Variants in G6PD observed in about 807,000 individuals in gnomAD.
The protein encoded by G6PD is glucose-6-phosphate 1-dehydrogenase.
Under a neutral mutation model 38.2 loss-of-function variants are expected in G6PD, and 2 were observed. That is an observed-to-expected ratio of 0.05 (90% CI 0.02 to 0.16). G6PD has a LOEUF of 0.16. Among genes scored for constraint, G6PD ranks in the 10% least tolerant of loss-of-function variants. The pLI is 1.00. For missense variants in G6PD, 310 were observed against 471.6 expected (o/e 0.66, Z 3.17); for synonymous variants, 188 against 196.0 (o/e 0.96, Z 0.34).
intron 2 of G6PD, among the ~76,000 whole-genome samples, chrX:154,540,555 T>C (rs1557231614): frequency 1.9e-5 from 2 of 107,468 alleles, no homozygotes; most frequent in African/African-American, 3.4e-5. Context: ...GGAGAATCAC[T>C]TGAATCCAGG....
At chrX:154,547,289 C>T (rs1301894587), upstream of G6PD, 37 of 741,767 alleles carry the variant, frequency 5.0e-5, no homozygotes, top group Non-Finnish European at 5.7e-5. Context: ...CGCGCCACTC[C>T]CCCGGGAACC....
At chrX:154,544,334 G>C (rs1270334557) in intron 2 of G6PD, among the ~76,000 whole-genome samples, 1 of 108,146 alleles carries the variant, frequency 9.2e-6, no homozygotes, top group East Asian at 2.9e-4. Context: ...GCTAATTTTT[G>C]TATTTTTAGT....
intron 2 of G6PD, among the ~76,000 whole-genome samples, chrX:154,540,158 A>G (rs2070465684): frequency 9.3e-6 from 1 of 107,401 alleles, no homozygotes; most frequent in Admixed American, 9.9e-5. Context: ...CCTGGCAAAC[A>G]TGGTGAAACC....
At position 154,535,259 on chromosome X, in the gene G6PD, A is replaced by G; in HGVS notation, c.394T>C (p.Ser132Pro). ...AGGTAGAAGAGGCGGTTGGCCTGTG[A>G]CCCCAGGTGGAGGGCATTCATGTGG... ...NSHMNALHLG[S>P]QANRLFYLAL... The change falls in exon 5 of 13, where the codon TCA becomes CCA. Residue 132 changes from serine to proline, a missense_variant. Physicochemically the swap from Ser to Pro is moderately conservative, Grantham distance 74 (BLOSUM62 -1). Around this residue, in one of 4 missense-constraint regions of G6PD, gnomAD observed 96 missense variants for 93.3 expected, o/e 1.03. Transcript: ENST00000393562. The G allele has an allele frequency of 8.3e-7, 1 of 1,211,530 alleles. No homozygotes were observed. Among genetic ancestry groups the G allele is most frequent in the Non-Finnish European group, 1.1e-6 (1 of 895,359 alleles).
rs1557233553 is a variant in G6PD, at chrX:154,546,836, C to T, written c.-56G>A. The stretch of plus-strand genomic sequence containing the variant: ...TCCGCGCTCGCAGCCCCGAAGTGTA[C>T]GACCGTTTCCGGGGGCTGAGCCCCG... On this transcript the variant is annotated 5_prime_UTR_variant, in exon 1 of 13. Coordinates refer to ENST00000393562, the MANE Select transcript of G6PD (RefSeq NM_001360016.2). 1 of 1,143,573 alleles carries T rather than the reference C, an allele frequency of 8.7e-7. No homozygotes were observed. The highest frequency in any genetic ancestry group is 1.2e-6 in the Non-Finnish European group (1 of 863,538). 94.2% of individuals were successfully genotyped at this position (1,143,573 alleles called of 1,213,427 possible).
Position 154,533,686 on chromosome X carries a change from C to G in G6PD, c.771-17G>C. On this transcript the variant is annotated splice_polypyrimidine_tract_variant and intron_variant, in intron 7 of 12. Transcript: ENST00000393562. ...ATCACGTCCCTGGGGACGGAAGAGG[C>G]CAGAGCTCGCCTTAGCTCCCCGCCC... is the stretch of plus-strand genomic sequence containing the variant. The G allele has an allele frequency of 1.7e-6, 2 of 1,211,131 alleles. No homozygotes were observed. Among genetic ancestry groups the G allele is most frequent in the Non-Finnish European group, 2.2e-6 (2 of 895,019 alleles).
At chrX:154,535,593 A>G in intron 4 of G6PD, 1 of 465,005 alleles carries the variant, frequency 2.2e-6, no homozygotes, top group Non-Finnish European at 3.8e-6. Context: ...CAGGCAGCAC[A>G]GACACTGCCC....
intron 2 of G6PD, among the ~76,000 whole-genome samples, chrX:154,540,467 C>G (rs2070473382): frequency 9.5e-6 from 1 of 105,191 alleles, no homozygotes; most frequent in Admixed American, 1.0e-4. Flanking sequence ...GACTCCATCT[C>G]AAAAAAAAGA....
chrX:154,541,781 C>G (rs1374534074), intron 2 of G6PD, among the ~76,000 whole-genome samples: 1 of 112,712 alleles, frequency 8.9e-6, no homozygotes, highest in Non-Finnish European at 1.9e-5. Context: ...CAACATCTGG[C>G]TAGGCCAGGG....
intron 2 of G6PD, among the ~76,000 whole-genome samples, chrX:154,538,569 C>T (rs1682880464): frequency 2.7e-5 from 3 of 111,860 alleles, no homozygotes; most frequent in Admixed American, 1.9e-4. Context: ...CACCTATTCA[C>T]GCTAAAACTC....
intron 2 of G6PD, chrX:154,542,567 G>C: frequency 2.1e-6 from 2 of 969,717 alleles, no homozygotes; most frequent in Non-Finnish European, 2.7e-6. Context: ...CTGGGTGTGT[G>C]GGCAAGTGTG....
At chrX:154,532,897 G>A in intron 9 of G6PD, 45 bp downstream of exon 9, 1 of 1,208,317 alleles carries the variant, frequency 8.3e-7, no homozygotes, top group Non-Finnish European at 1.1e-6. Context: ...CCGCACACAG[G>A]GCATGCCCAG....
In G6PD at chrX:154,531,458, C is replaced by T. The variant is rs1406474635; in HGVS notation, c.*542G>A. On this transcript the variant is annotated 3_prime_UTR_variant, in exon 13 of 13. Transcript: ENST00000393562. ...GGTCCCAGCTGCTGCGTCTGCTTTT[C>T]TTATAGCAGAGAGGCTGCCTACGGG... is the stretch of plus-strand genomic sequence containing the variant. 1 of 126,259 alleles carries T rather than the reference C, an allele frequency of 7.9e-6. No individual in the cohort carries two copies. The highest frequency in any genetic ancestry group is 1.6e-5 in the Non-Finnish European group (1 of 61,349). The allele number at this position is 126,259 out of a possible 1,213,427, so 10.4% of individuals were successfully genotyped here.
intron 1 of G6PD, among the ~76,000 whole-genome samples, chrX:154,546,473 G>A (rs1314792974): frequency 8.9e-6 from 1 of 112,079 alleles, no homozygotes; most frequent in South Asian, 3.7e-4. Context: ...GCATGGAACT[G>A]CGTGCCCAGG....
rs1569556168 is a variant in G6PD, at chrX:154,531,480, CGGGTGGCACG to C, written c.*510_*519del. The C allele has an allele frequency of 3.8e-5, 5 of 129,986 alleles. No homozygotes were observed. The highest frequency in any genetic ancestry group is 7.8e-5 in the Non-Finnish European group (5 of 63,850). 10.7% of individuals were successfully genotyped at this position (129,986 alleles called of 1,213,427 possible). On this transcript the variant is annotated 3_prime_UTR_variant, in exon 13 of 13. Coordinates refer to ENST00000393562, the MANE Select transcript of G6PD (RefSeq NM_001360016.2). ...TTTCTTATAGCAGAGAGGCTGCCTACGGGTGGCACGGGGTGGCCATGGAGTGCAGAGTTGG... is the reference window on the plus strand; with the variant it reads ...TTTCTTATAGCAGAGAGGCTGCCTACGGGTGGCCATGGAGTGCAGAGTTGG...
At chrX:154,539,746 G>T (rs189201730) in intron 2 of G6PD, among the ~76,000 whole-genome samples, 1 of 109,468 alleles carries the variant, frequency 9.1e-6, no homozygotes, top group Non-Finnish European at 1.9e-5. Flanking sequence ...TTTTTGAGAC[G>T]GAGTCTCACT....
intron 9 of G6PD, 33 bp from the exon 10 acceptor site, chrX:154,532,835 C>T (rs1318307551): frequency 8.3e-7 from 1 of 1,203,689 alleles, no homozygotes; most frequent in Non-Finnish European, 1.1e-6. Flanking sequence ...TCAGCACCAG[C>T]TCTCTCAGGG....
intron 7 of G6PD, 28 bp from the exon 8 acceptor site, chrX:154,533,697 C>A (rs1557230089): frequency 8.3e-7 from 1 of 1,210,345 alleles, no homozygotes; most frequent in Admixed American, 2.2e-5. Flanking sequence ...CAGAGCTCGC[C>A]TTAGCTCCCC....
chrX:154,535,609 T>C, intron 4 of G6PD: 1 of 458,190 alleles, frequency 2.2e-6, no homozygotes, highest in East Asian at 3.7e-5. Flanking sequence ...TGCCCCAGGC[T>C]GGGACCCCTG....
Sources: allele counts gnomAD v4.1 joint callset (sites outside exome capture counted in the v4.1 genomes callset), GRCh38; gene constraint gnomAD v4.1.1; regional missense constraint gnomAD v4.1.1; transcripts MANE v1.5; gene names NCBI Gene and HGNC (gene_info 2026-07-23, HGNC 2026-07-21).